Variants in WWOX observed in about 807,000 individuals in gnomAD.
WWOX encodes the protein WW domain containing oxidoreductase, also known as WW domain-containing oxidoreductase.
A neutral mutation model predicts 46.2 loss-of-function variants in WWOX; 69 were observed. That is an observed-to-expected ratio of 1.49 (90% confidence interval 1.23 to 1.82). The LOEUF is 1.82. Ranked by LOEUF, WWOX falls within the 40% of genes most tolerant of loss-of-function variation. WWOX has a pLI of 0.00. For synonymous variants in WWOX, 359 were observed against 202.6 expected, an observed-to-expected ratio of 1.77 and a Z score of -6.56; for missense variants, 919 against 542.6, an observed-to-expected ratio of 1.69 and a Z score of -6.89.
chr16:79,174,439 A>G lies in WWOX; in HGVS notation c.1057-37169A>G, dbSNP rs546276274. The stretch of plus-strand genomic sequence containing the variant: ...TGAGGCAGGTGGATCACCTGAGGTC[A>G]GGAGTTTGAGATTAGCTTGACCAAC... On this transcript the variant is annotated intron_variant, in intron 8 of 8. Transcript: ENST00000566780. Among the ~76,000 whole-genome samples the G allele has an allele frequency of 3.2e-4, 49 of 152,302 alleles. No homozygotes were observed. In the South Asian group the frequency reaches 1.0e-2, roughly 31 times the overall value.
chr16:78,200,294 T>C (rs2036191518), intron 5 of WWOX, among the ~76,000 whole-genome samples: 1 of 152,102 alleles, frequency 6.6e-6, no homozygotes, highest in Middle Eastern at 3.4e-3. Context: ...TGGGTTTGTT[T>C]TAATTCCTTT....
chr16:78,818,379 C>A (rs911938949), intron 8 of WWOX, among the ~76,000 whole-genome samples: 1 of 152,228 alleles, frequency 6.6e-6, no homozygotes, highest in African/African-American at 2.4e-5. Context: ...TTGAGCTGTT[C>A]TACCACCTTC....
At chr16:78,168,165 C>T (rs958911848) in intron 5 of WWOX, 6 of 152,164 alleles carry the variant, frequency 3.9e-5, no homozygotes, top group Admixed American at 6.6e-5. Flanking sequence ...GCCAAGGCTC[C>T]GTGGGCATTC....
chr16:78,966,126 G>A (rs2046359251), intron 8 of WWOX, among the ~76,000 whole-genome samples: 1 of 152,134 alleles, frequency 6.6e-6, no homozygotes, highest in African/African-American at 2.4e-5. Flanking sequence ...AAAGAACCTA[G>A]CTTTACTTAT....
chr16:78,899,859 G>A (rs1278918704), intron 8 of WWOX, among the ~76,000 whole-genome samples: 2 of 152,134 alleles, frequency 1.3e-5, no homozygotes, highest in African/African-American at 2.4e-5. Context: ...CTAAGGTTCA[G>A]GTATTAACAT....
intron 8 of WWOX, among the ~76,000 whole-genome samples, chr16:78,657,155 T>C (rs1176248517): frequency 6.6e-6 from 1 of 152,182 alleles, no homozygotes; most frequent in Non-Finnish European, 1.5e-5. Context: ...CCACCCAATG[T>C]GTCCTGCTCA....
chr16:78,579,424 G>A (rs1038274283), intron 8 of WWOX, among the ~76,000 whole-genome samples: 1 of 152,134 alleles, frequency 6.6e-6, no homozygotes, highest in Non-Finnish European at 1.5e-5. Context: ...CTGAGGAAGG[G>A]TACTCAGGCT....
At chr16:79,057,456 C>G (rs941920989) in intron 8 of WWOX, among the ~76,000 whole-genome samples, 1 of 152,184 alleles carries the variant, frequency 6.6e-6, no homozygotes, top group Non-Finnish European at 1.5e-5. Flanking sequence ...TTCTCAGGCT[C>G]CTTCTCATTA....
chr16:78,397,354 C>G (rs1218149430), intron 6 of WWOX, among the ~76,000 whole-genome samples: 2 of 152,136 alleles, frequency 1.3e-5, no homozygotes, highest in East Asian at 1.9e-4. Flanking sequence ...CACTTACATA[C>G]CATCCCATTT....
Position 78,634,106 on chromosome 16 carries a change from A to G in WWOX, c.1056+201354A>G, listed in dbSNP as rs557860672. On this transcript the variant is annotated intron_variant, in intron 8 of 8. Transcript: ENST00000566780. ...GAAGGTGCAGGTTGGAGATGCAGCT[A>G]TATGACTCTGTACCAGAGAGAGACC... 1.4e-4 allele frequency among the ~76,000 whole-genome samples: 22 copies of G among 152,268 alleles called. No homozygotes were observed. The South Asian group carries it at 1.9e-3, about 13-fold the overall frequency.
chr16:78,415,855 T>A (rs1244528371), intron 6 of WWOX, among the ~76,000 whole-genome samples: 36 of 152,098 alleles, frequency 2.4e-4, no homozygotes, highest in Admixed American at 2.4e-3. Context: ...TGAGGGGATG[T>A]CCTCTGGCCC....
chr16:78,192,292 C>T (rs893235292), intron 5 of WWOX, among the ~76,000 whole-genome samples: 4 of 151,966 alleles, frequency 2.6e-5, no homozygotes, highest in Admixed American at 1.3e-4. Context: ...GTCAGGAATT[C>T]GAGACCAGTC....
At chr16:78,271,089 A>C (rs1457331785) in intron 5 of WWOX, among the ~76,000 whole-genome samples, 2 of 152,248 alleles carry the variant, frequency 1.3e-5, no homozygotes, top group Non-Finnish European at 2.9e-5. Context: ...AATTACATCA[A>C]CATTAAGCTA....
chr16:79,082,675 G>C (rs755895578), intron 8 of WWOX, among the ~76,000 whole-genome samples: 1 of 152,184 alleles, frequency 6.6e-6, no homozygotes, highest in Non-Finnish European at 1.5e-5. Context: ...TGCTCTTTTA[G>C]CTTCTGCCAG....
intron 8 of WWOX, among the ~76,000 whole-genome samples, chr16:78,723,962 C>T (rs1280603840): frequency 6.6e-6 from 1 of 152,134 alleles, no homozygotes; most frequent in East Asian, 1.9e-4. Flanking sequence ...CACCATCCAT[C>T]CCCCCATGGC....
chr16:79,135,558 T>G (rs2049967114), intron 8 of WWOX, among the ~76,000 whole-genome samples: 1 of 152,224 alleles, frequency 6.6e-6, no homozygotes, highest in Admixed American at 6.5e-5. Flanking sequence ...CTTGACTTTC[T>G]TTGACATATA....
At chr16:78,405,428 C>T (rs565701861) in intron 6 of WWOX, among the ~76,000 whole-genome samples, 27 of 152,300 alleles carry the variant, frequency 1.8e-4, no homozygotes, top group East Asian at 1.2e-3. Context: ...CGACATGTGA[C>T]GGTCCTTTCA....
intron 5 of WWOX, among the ~76,000 whole-genome samples, chr16:78,201,921 G>A (rs969029247): frequency 2.6e-5 from 4 of 151,854 alleles, no homozygotes; most frequent in Admixed American, 6.6e-5. Flanking sequence ...GGCTGGTCAC[G>A]AACTCCTAAA....
At chr16:78,859,055 T>TTC (rs2052653405) in intron 8 of WWOX, among the ~76,000 whole-genome samples, 1 of 71,422 alleles carries the variant, frequency 1.4e-5, no homozygotes, top group African/African-American at 6.3e-5. Flanking sequence ...TATATGTATA[T>TTC]ATATATATAT....
Sources: allele counts gnomAD v4.1 joint callset (sites outside exome capture counted in the v4.1 genomes callset), GRCh38; gene constraint gnomAD v4.1.1; transcripts MANE v1.5; gene names NCBI Gene and HGNC (gene_info 2026-07-23, HGNC 2026-07-21).